Variants in ERBB4 observed in about 807,000 individuals in gnomAD.
ERBB4 encodes receptor tyrosine-protein kinase erbB-4.
ERBB4 carries 42 observed loss-of-function variants against 158.0 expected under a neutral mutation model. That is an observed-to-expected ratio of 0.27 (90% CI 0.21 to 0.34). The LOEUF (loss-of-function observed/expected upper bound fraction) is 0.34. Among genes scored for constraint, ERBB4 ranks in the 10% least tolerant of loss-of-function variants. The probability of loss-of-function intolerance (pLI) is 1.00; values close to 1 mark genes in which losing one functional copy is unlikely to be tolerated. For synonymous variants in ERBB4, 583 were observed against 558.7 expected (o/e 1.04, Z -0.61); for missense variants, 1,333 against 1,624.1 (o/e 0.82, Z 3.08).
At chr2:212,519,991 C>T (rs1033971584) in intron 1 of ERBB4, among the ~76,000 whole-genome samples, 3 of 151,812 alleles carry the variant, frequency 2.0e-5, no homozygotes, top group Non-Finnish European at 4.4e-5. Flanking sequence ...AATTATTATA[C>T]AACATATGCA....
intron 3 of ERBB4, among the ~76,000 whole-genome samples, chr2:211,805,961 G>GA (rs1245300133): frequency 6.6e-6 from 1 of 150,732 alleles, no homozygotes; most frequent in Non-Finnish European, 1.5e-5. Context: ...ATAAAGAAGA[G>GA]AAAAAAATAA....
chr2:211,492,070 G>GAAA (rs35459917), intron 20 of ERBB4, among the ~76,000 whole-genome samples: 12,421 of 144,906 alleles, frequency 0.086, 580 homozygotes, highest in Middle Eastern at 0.13. Flanking sequence ...CTCACCTTAA[G>GAAA]AAAAAAAAAA....
At chr2:212,354,843 A>G (rs1220349383) in intron 1 of ERBB4, among the ~76,000 whole-genome samples, 2 of 152,028 alleles carry the variant, frequency 1.3e-5, no homozygotes, top group African/African-American at 4.8e-5. Flanking sequence ...AAATACTTAT[A>G]TATCTGCTGG....
chr2:211,472,864 G>A (rs1046235354), intron 20 of ERBB4, among the ~76,000 whole-genome samples: 1 of 151,422 alleles, frequency 6.6e-6, no homozygotes, highest in African/African-American at 2.4e-5. Context: ...GTAGGTATAG[G>A]GTGGGACCTA....
intron 1 of ERBB4, among the ~76,000 whole-genome samples, chr2:212,302,648 T>A (rs1267497894): frequency 2.6e-5 from 4 of 151,520 alleles, no homozygotes; most frequent in African/African-American, 9.7e-5. Context: ...ATAATTTCTG[T>A]AATTGAAGAA....
intron 1 of ERBB4, among the ~76,000 whole-genome samples, chr2:212,286,603 T>TTTTTGTTTTGTTTG (rs1341644036): frequency 1.6e-5 from 2 of 128,746 alleles, no homozygotes; most frequent in Non-Finnish European, 3.3e-5. Flanking sequence ...ACTTTTTTTT[T>TTTTTGTTTTGTTTG]TTTTTTTTTT....
chr2:211,547,570 G>A (rs1024157469), intron 20 of ERBB4, among the ~76,000 whole-genome samples: 3 of 152,004 alleles, frequency 2.0e-5, no homozygotes, highest in African/African-American at 7.2e-5. Flanking sequence ...AAAAGCCATA[G>A]GGGAGCAATA....
intron 1 of ERBB4, among the ~76,000 whole-genome samples, chr2:212,404,460 C>T (rs1399785982): frequency 6.6e-6 from 1 of 152,010 alleles, no homozygotes; most frequent in Non-Finnish European, 1.5e-5. Context: ...TGACTATGTG[C>T]CCAACACCTA....
At chr2:211,771,062 T>C (rs527941807) in intron 4 of ERBB4, among the ~76,000 whole-genome samples, 2 of 152,298 alleles carry the variant, frequency 1.3e-5, no homozygotes, top group East Asian at 1.9e-4. Context: ...TTTACCATCA[T>C]AGAAATCTTA....
rs760466245 is a variant in ERBB4, at chr2:212,286,594, C to CTTGTTTTTTTTTTTTTTTT, written c.83-161692_83-161691insAAAAAAAAAAAAAAAACAA. Among the ~76,000 whole-genome samples, 2 of 55,538 alleles carry CTTGTTTTTTTTTTTTTTTT rather than the reference C, an allele frequency of 3.6e-5. 1 individual carries two copies. The highest frequency in any genetic ancestry group is 4.8e-4 in the Admixed American group (2 of 4,176). 36.4% of individuals were successfully genotyped at this position (55,538 alleles called of 152,430 possible). A position where few individuals can be genotyped will look rare whatever the true frequency, so the allele number is the denominator to read the frequency against. The stretch of plus-strand genomic sequence containing the variant: ...AATGAGATGATTACATAAGTGCTGA[C>CTTGTTTTTTTTTTTTTTTT]TTTTTTTTTTTTTTTTTTTTTTTTT... On this transcript the variant is annotated intron_variant, in intron 1 of 27. Transcript: ENST00000342788.
At chr2:212,351,691 T>C (rs1382002086) in intron 1 of ERBB4, among the ~76,000 whole-genome samples, 1 of 152,152 alleles carries the variant, frequency 6.6e-6, no homozygotes, top group Non-Finnish European at 1.5e-5. Context: ...ATAACCACAA[T>C]AGCTATTGGC....
At chr2:211,637,385 A>G (rs2070400665) in intron 16 of ERBB4, among the ~76,000 whole-genome samples, 2 of 151,938 alleles carry the variant, frequency 1.3e-5, no homozygotes, top group East Asian at 3.8e-4. Context: ...ATATAATTTA[A>G]ACATAGCAAA....
chr2:211,905,871 A>G (rs1239342172), intron 3 of ERBB4, among the ~76,000 whole-genome samples: 6 of 150,994 alleles, frequency 4.0e-5, no homozygotes, highest in Non-Finnish European at 8.8e-5. Context: ...TATGGGGGAC[A>G]ATTTCAAGCA....
intron 18 of ERBB4, among the ~76,000 whole-genome samples, chr2:211,619,514 G>A (rs2069517036): frequency 6.6e-6 from 1 of 152,040 alleles, no homozygotes; most frequent in Non-Finnish European, 1.5e-5. Flanking sequence ...TTACACTACT[G>A]TCAAATTCTA....
chr2:211,889,777 G>A (rs543755464), intron 3 of ERBB4, among the ~76,000 whole-genome samples: 14 of 151,942 alleles, frequency 9.2e-5, no homozygotes, highest in South Asian at 6.2e-4. Context: ...CTCAGGAGCC[G>A]ATGCGATCAA....
chr2:211,923,173 A>G (rs1216968256), intron 3 of ERBB4, among the ~76,000 whole-genome samples: 1 of 152,152 alleles, frequency 6.6e-6, no homozygotes, highest in Non-Finnish European at 1.5e-5. Flanking sequence ...CTGCTAGAGG[A>G]AGACAAGACG....
chr2:211,641,433 A>AT (rs1255272220), intron 16 of ERBB4, among the ~76,000 whole-genome samples: 9 of 152,246 alleles, frequency 5.9e-5, no homozygotes, highest in Non-Finnish European at 1.3e-4. Context: ...TATTTAATAC[A>AT]TTTAAAAAAC....
intron 1 of ERBB4, among the ~76,000 whole-genome samples, chr2:212,195,667 A>T (rs1224876109): frequency 6.6e-6 from 1 of 152,100 alleles, no homozygotes; most frequent in Non-Finnish European, 1.5e-5. Flanking sequence ...CTTCAAGCAC[A>T]TTAACTTTAT....
intron 1 of ERBB4, among the ~76,000 whole-genome samples, chr2:212,525,132 A>G (rs1692379625): frequency 6.6e-6 from 1 of 152,048 alleles, no homozygotes; most frequent in South Asian, 2.1e-4. Flanking sequence ...TGTTCATCAC[A>G]TCCTACACAA....
Sources: gnomAD v4.1 joint callset for allele counts (sites outside exome capture counted in the v4.1 genomes callset) on GRCh38, gnomAD v4.1.1 for gene constraint, MANE v1.5 for transcripts, NCBI Gene and HGNC (gene_info 2026-07-23, HGNC 2026-07-21) for gene names.